The following TP53INP1 variants were observed in gnomAD, a reference collection of about 807,000 sequenced individuals.
TP53INP1 encodes the protein tumor protein p53-inducible nuclear protein 1.
TP53INP1 carries 12 observed loss-of-function variants against 21.0 expected under a neutral mutation model. The observed-to-expected ratio is 0.57, with a 90% confidence interval of 0.37 to 0.93. The LOEUF is 0.93. Ranked by LOEUF, TP53INP1 falls within the 40% of genes least tolerant of loss-of-function variation. The probability of loss-of-function intolerance (pLI) is 0.01; values close to 1 mark genes in which losing one functional copy is unlikely to be tolerated. For synonymous variants in TP53INP1, 91 were observed against 94.8 expected, an observed-to-expected ratio of 0.96 and a Z score of 0.23; for missense variants, 274 against 294.7, an observed-to-expected ratio of 0.93 and a Z score of 0.51.
At chr8:94,931,971 C>CA (rs570658727) in intron 3 of TP53INP1, 135 of 1,262,252 alleles carry the variant, frequency 1.1e-4, no homozygotes, top group Non-Finnish European at 1.3e-4. Context: ...GACTCCATCT[C>CA]AAAAAAAGAA....
chr8:94,940,867 C>T lies in TP53INP1; in HGVS notation c.75G>A (p.Glu25=). 1 of 1,613,712 alleles carries T rather than the reference C, an allele frequency of 6.2e-7. No homozygotes were observed. Among genetic ancestry groups the T allele is most frequent in the Non-Finnish European group, 8.5e-7 (1 of 1,179,866 alleles). ...SSSNQEPEFN[E]KEDDEWILVD... is the part of the protein sequence containing the mutation. The stretch of plus-strand genomic sequence containing the variant: ...CAAGAATCCATTCATCATCTTCTTT[C>T]TCATTGAATTCTGGTTCTTGGTTGG... Residue 25 remains glutamate, a synonymous_variant, in exon 2 of 4, where the codon GAG becomes GAA. Transcript: ENST00000342697.
chr8:94,935,123 A>G (rs199976540), intron 3 of TP53INP1, among the ~76,000 whole-genome samples: 3 of 123,248 alleles, frequency 2.4e-5, no homozygotes, highest in Non-Finnish European at 3.3e-5. Context: ...ACATAGGTAG[A>G]TAGATATAGA....
intron 1 of TP53INP1, among the ~76,000 whole-genome samples, chr8:94,946,201 T>C (rs1821973075): frequency 6.6e-6 from 1 of 152,106 alleles, no homozygotes; most frequent in African/African-American, 2.4e-5. Context: ...TAACATTTTA[T>C]CATCAATGGT....
rs1244986186 is a variant in TP53INP1 at position 94,930,529 on chromosome 8, G to A, written c.673C>T (p.His225Tyr). Reference sequence around the variant, plus strand: ...GGCTGATGAACAACCCAGCCATTGTGCTTGACTTGCCGAGGGTGGCAATCC... The same window carrying A: ...GGCTGATGAACAACCCAGCCATTGTACTTGACTTGCCGAGGGTGGCAATCC... ...TRDCHPRQVKHNGWVVHQPCP... is the reference protein window; with the variant it reads ...TRDCHPRQVKYNGWVVHQPCP... Residue 225 changes from histidine (H) to tyrosine (Y), a missense_variant, in exon 4 of 4, where the codon CAC (histidine) becomes TAC (tyrosine). Coordinates refer to ENST00000342697, the MANE Select transcript of TP53INP1 (RefSeq NM_033285.4). The A allele has an allele frequency of 6.2e-7, 1 of 1,614,084 alleles. No homozygotes were observed. Among genetic ancestry groups the A allele is most frequent in the Non-Finnish European group, 8.5e-7 (1 of 1,180,044 alleles).
At chr8:94,939,607 A>G in intron 3 of TP53INP1, 1 of 438,468 alleles carries the variant, frequency 2.3e-6, no homozygotes, top group South Asian at 2.1e-5. Flanking sequence ...CATGTTGCCC[A>G]GGGTGGTCTT....
intron 1 of TP53INP1, among the ~76,000 whole-genome samples, chr8:94,943,734 A>G (rs1041240148): frequency 1.3e-5 from 2 of 152,254 alleles, no homozygotes; most frequent in African/African-American, 2.4e-5. Context: ...CAAGTTAAAC[A>G]TTTCAAATAA....
Position 94,938,839 on chromosome 8 carries a change from G to A in TP53INP1, c.473+1021C>T, listed in dbSNP as rs184430850. ...TAGCAAATTAATCAAACCCAAGGAA[G>A]GGGTCGTGGGAACACCAGTTTACAG... On this transcript the variant is annotated intron_variant, in intron 3 of 3. Transcript: ENST00000342697. Among the ~76,000 whole-genome samples, 5 of 152,324 alleles carry A rather than the reference G, an allele frequency of 3.3e-5. No homozygotes were observed. The East Asian group carries it at 5.8e-4, about 18-fold the overall frequency.
chr8:94,930,403 T>C lies in TP53INP1; in HGVS notation c.*76A>G. The C allele has an allele frequency of 6.4e-7, 1 of 1,564,266 alleles. No homozygotes were observed. On this transcript the variant is annotated 3_prime_UTR_variant, in exon 4 of 4. Transcript: ENST00000342697. ...ATCAATTGGTTGTAAAGAGACAACATTTTCACTGTACATATACACACATCC... is the reference window on the plus strand; with the variant it reads ...ATCAATTGGTTGTAAAGAGACAACACTTTCACTGTACATATACACACATCC...
chr8:94,941,478 A>C (rs573109781), intron 1 of TP53INP1, among the ~76,000 whole-genome samples: 111 of 152,312 alleles, frequency 7.3e-4, no homozygotes, highest in Non-Finnish European at 1.2e-3. Context: ...CCTGGTGACC[A>C]CCATTATGCC....
rs1244257980 is a variant in TP53INP1 at position 94,946,902 on chromosome 8, G to A, written c.-151+2252C>T. ...ATACTACTTAGAATAGCAGACCTCG[G>A]TTCATTCAAAGCCAGTTGTGAGACT... is the stretch of plus-strand genomic sequence containing the variant. On this transcript the variant is annotated intron_variant, in intron 1 of 3. Coordinates refer to ENST00000342697, the MANE Select transcript of TP53INP1 (RefSeq NM_033285.4). Among the ~76,000 whole-genome samples, 4 of 152,010 alleles carry A rather than the reference G, an allele frequency of 2.6e-5. No individual in the cohort carries two copies. In the East Asian group the frequency reaches 7.7e-4, roughly 29 times the overall value.
Position 94,930,150 on chromosome 8 carries a change from A to G in TP53INP1, c.*329T>C, listed in dbSNP as rs1339948696. ...AATAAAATGAAAATGAAAGATGCCT[A>G]TTCTCGTACTTGGGAAGAAATGTCT... On this transcript the variant is annotated 3_prime_UTR_variant, in exon 4 of 4. Transcript: ENST00000342697. 1 of 245,882 alleles carries G rather than the reference A, an allele frequency of 4.1e-6. No homozygotes were observed. The highest frequency in any genetic ancestry group is 7.9e-6 in the Non-Finnish European group (1 of 126,998). 15.2% of individuals were successfully genotyped at this position (245,882 alleles called of 1,614,324 possible).
chr8:94,940,266 C>A, intron 2 of TP53INP1, 46 bp from the exon 3 acceptor site: 1 of 1,539,484 alleles, frequency 6.5e-7, no homozygotes, highest in South Asian at 1.3e-5. Context: ...GTTGAAGAGT[C>A]CCACAGGAGG....
rs1820044885 is a variant in TP53INP1, at chr8:94,927,945, A to G, written c.*2534T>C. 6.6e-6 allele frequency: 1 copy of G among 152,038 alleles called. No homozygotes were observed. Among genetic ancestry groups the G allele is most frequent in the African/African-American group, 2.4e-5 (1 of 41,364 alleles). 9.4% of individuals were successfully genotyped at this position (152,038 alleles called of 1,614,324 possible). A position where few individuals can be genotyped will look rare whatever the true frequency, so the allele number is the denominator to read the frequency against. ...AAAGCTCATAAAATGCATTTTGGCC[A>G]TGTTTCAGAGAATACTTAACAGGTC... On this transcript the variant is annotated 3_prime_UTR_variant, in exon 4 of 4. Coordinates refer to ENST00000342697, the MANE Select transcript of TP53INP1 (RefSeq NM_033285.4).
At chr8:94,939,461 A>G (rs1821306031) in intron 3 of TP53INP1, among the ~76,000 whole-genome samples, 1 of 152,242 alleles carries the variant, frequency 6.6e-6, no homozygotes, top group African/African-American at 2.4e-5. Context: ...CAGTGGCACA[A>G]TCTTGACTCA....
intron 3 of TP53INP1, among the ~76,000 whole-genome samples, chr8:94,937,731 G>A (rs892450182): frequency 1.3e-5 from 2 of 152,152 alleles, no homozygotes; most frequent in African/African-American, 4.8e-5. Context: ...GCAAGAAGCT[G>A]TAACTATGTT....
rs1330642498 is a variant in TP53INP1 at position 94,928,181 on chromosome 8, G to A, written c.*2298C>T. 6.6e-6 allele frequency: 1 copy of A among 151,600 alleles called. No homozygotes were observed. Among genetic ancestry groups the A allele is most frequent in the Non-Finnish European group, 1.5e-5 (1 of 67,914 alleles). The allele number at this position is 151,600 out of a possible 1,614,324, so 9.4% of individuals were successfully genotyped here. Reference sequence around the variant, plus strand: ...AACGAATGTAATTTTTTGTTTTCTAGGTACAAAGCATAAAAAACTAGCCCC... The same window carrying A: ...AACGAATGTAATTTTTTGTTTTCTAAGTACAAAGCATAAAAAACTAGCCCC... On this transcript the variant is annotated 3_prime_UTR_variant, in exon 4 of 4. Transcript: ENST00000342697.
At chr8:94,937,871 A>G (rs150446675) in intron 3 of TP53INP1, among the ~76,000 whole-genome samples, 30 of 152,172 alleles carry the variant, frequency 2.0e-4, no homozygotes, top group African/African-American at 6.5e-4. Flanking sequence ...TTTTGTACCT[A>G]TGTCACCTTA....
chr8:94,930,678 G>A lies in TP53INP1; in HGVS notation c.524C>T (p.Ala175Val). ...MGQHIHCYVA[A>V]LAAHTTFLEQ... ...CAGAAAAGTTGTATGAGCAGCAAGA[G>A]CTGCAACATAACAATGAATATGCTG... is the stretch of plus-strand genomic sequence containing the variant. The change falls in exon 4 of 4, where the codon GCT becomes GTT. Residue 175 changes from alanine (A) to valine (V), a missense_variant. Physicochemically the swap from Ala to Val is moderately conservative, Grantham distance 64. Coordinates refer to ENST00000342697, the MANE Select transcript of TP53INP1 (RefSeq NM_033285.4). 6.2e-7 allele frequency: 1 copy of A among 1,614,218 alleles called. No homozygotes were observed. Among genetic ancestry groups the A allele is most frequent in the African/African-American group, 1.3e-5 (1 of 75,058 alleles).
intron 3 of TP53INP1, 51 bp downstream of exon 3, chr8:94,939,803 GAGACAA>G: frequency 6.4e-7 from 1 of 1,564,890 alleles, no homozygotes; most frequent in Non-Finnish European, 8.6e-7. Flanking sequence ...AATTACAGTA[GAGACAA>G]AATGCATGCT....
Sources: allele counts gnomAD v4.1 joint callset (sites outside exome capture counted in the v4.1 genomes callset), GRCh38; gene constraint gnomAD v4.1.1; transcripts MANE v1.5; gene names NCBI Gene and HGNC (gene_info 2026-07-23, HGNC 2026-07-21).